FAM184B: variants seen among roughly 807,000 people sequenced by gnomAD.
FAM184B encodes family with sequence similarity 184 member B.
A neutral mutation model predicts 135.9 loss-of-function variants in FAM184B; 111 were observed. The ratio of observed to expected loss-of-function variants is 0.82; its 90% confidence interval spans 0.70 to 0.96. The LOEUF (loss-of-function observed/expected upper bound fraction) is 0.96. Ranked by LOEUF, FAM184B falls within the 40% of genes least tolerant of loss-of-function variation. The pLI is 0.00. For missense variants in FAM184B, 1,375 were observed against 1,323.9 expected, an observed-to-expected ratio of 1.04 and a Z score of -0.60; for synonymous variants, 552 against 524.8, an observed-to-expected ratio of 1.05 and a Z score of -0.71.
At chr4:17,634,589 G>T (rs1425937473) in intron 16 of FAM184B, among the ~76,000 whole-genome samples, 8 of 152,272 alleles carry the variant, frequency 5.3e-5, no homozygotes, top group Non-Finnish European at 1.5e-5. Flanking sequence ...CTCCCAAAGT[G>T]CTGGGATTAC....
chr4:17,750,164 T>C (rs143022063), intron 1 of FAM184B, among the ~76,000 whole-genome samples: 1 of 152,366 alleles, frequency 6.6e-6, no homozygotes, highest in African/African-American at 2.4e-5. Flanking sequence ...TCATCATACA[T>C]ATTGTAAAAC....
chr4:17,651,111 T>A (rs1343278970), intron 11 of FAM184B, among the ~76,000 whole-genome samples: 1 of 152,130 alleles, frequency 6.6e-6, no homozygotes, highest in Non-Finnish European at 1.5e-5. Context: ...TCTTTAGTGC[T>A]CAGCATGAAA....
At chr4:17,666,469 C>CTTTTTTTTTTT (rs386399397) in intron 7 of FAM184B, among the ~76,000 whole-genome samples, 26 of 57,158 alleles carry the variant, frequency 4.5e-4, no homozygotes, top group African/African-American at 1.5e-3. Context: ...GTGCCTGGTT[C>CTTTTTTTTTTT]TTTTTTTTTT....
Position 17,709,384 on chromosome 4 carries a change from C to G in FAM184B, c.402G>C (p.Leu134=), listed in dbSNP as rs1401108964. ...GCTCGGCGTGCTCTGCCTCCACCCT[C>G]AGCTCTCTCTCCTTCGTCTCCAGCC... is the stretch of plus-strand genomic sequence containing the variant. ...SCRLETKERE[L]RVEAEHAERV... Residue 134 remains leucine, a synonymous_variant, in exon 2 of 18, where the codon CTG becomes CTC. Transcript: ENST00000265018. The G allele has an allele frequency of 1.8e-5, 28 of 1,531,444 alleles. No homozygotes were observed. The highest frequency in any genetic ancestry group is 2.5e-5 in the Non-Finnish European group (28 of 1,134,786). 94.9% of individuals were successfully genotyped at this position (1,531,444 alleles called of 1,614,324 possible). A position where few individuals can be genotyped will look rare whatever the true frequency, so the allele number is the denominator to read the frequency against.
chr4:17,690,243 G>A (rs1039368243), intron 6 of FAM184B, among the ~76,000 whole-genome samples: 10 of 152,194 alleles, frequency 6.6e-5, no homozygotes, highest in Admixed American at 1.3e-4. Flanking sequence ...TCTGCCATTG[G>A]TGAAGGTGGG....
chr4:17,776,518 A>T (rs1390069456), intron 1 of FAM184B, among the ~76,000 whole-genome samples: 2 of 152,124 alleles, frequency 1.3e-5, no homozygotes, highest in East Asian at 3.9e-4. Context: ...CCTGCCGAGT[A>T]GCTGGGATTA....
At position 17,768,802 on chromosome 4, in the gene FAM184B, CT is replaced by C. The variant is rs1214578635; in HGVS notation, c.141+12356del. Among the ~76,000 whole-genome samples the C allele has an allele frequency of 2.0e-5, 3 of 150,700 alleles. No homozygotes were observed. In the East Asian group the frequency reaches 5.8e-4, roughly 29 times the overall value. On this transcript the variant is annotated intron_variant, in intron 1 of 17. Transcript: ENST00000265018. ...TCAGTAAATCAGTAAATGTTTATTTCTTTTTTCTTTTTTTTTTTTGAGATGG... is the reference window on the plus strand; with the variant it reads ...TCAGTAAATCAGTAAATGTTTATTTCTTTTTCTTTTTTTTTTTTGAGATGG...
At chr4:17,700,802 G>A (rs1212217054) in intron 5 of FAM184B, among the ~76,000 whole-genome samples, 1 of 151,976 alleles carries the variant, frequency 6.6e-6, no homozygotes, top group East Asian at 1.9e-4. Flanking sequence ...TCTAACCACA[G>A]GGGAACCAAA....
Position 17,639,271 on chromosome 4 carries a change from CGGGCCTGGAGCT to C in FAM184B, c.2633_2644del (p.Gln878_Ala881del), listed in dbSNP as rs1184476643. The C allele has an allele frequency of 6.4e-7, 1 of 1,551,686 alleles. No individual in the cohort carries two copies. ...TTACTCGGCTTCCAGGGCAGCCAGC[CGGGCCTGGAGCT>C]GGGCCTGGGCACTACTGAAATCTGC... On this transcript the variant is annotated inframe_deletion, in exon 14 of 18. Transcript: ENST00000265018.
chr4:17,633,987 CGGA>C lies in FAM184B; in HGVS notation c.2890-102_2890-100del, dbSNP rs958833482. The stretch of plus-strand genomic sequence containing the variant: ...AATGCTCACCCAATCAAAATTGTAT[CGGA>C]GAAGAAGCAACAATTTCATTTATAC... On this transcript the variant is annotated intron_variant, in intron 16 of 17. Transcript: ENST00000265018. The C allele has an allele frequency of 7.3e-6, 7 of 960,184 alleles. No individual in the cohort carries two copies. In the African/African-American group the frequency reaches 1.0e-4, roughly 14 times the overall value. The allele number at this position is 960,184 out of a possible 1,614,324, so 59.5% of individuals were successfully genotyped here. A position where few individuals can be genotyped will look rare whatever the true frequency, so the allele number is the denominator to read the frequency against.
At position 17,656,241 on chromosome 4, in the gene FAM184B, G is replaced by C. The variant is rs150771933; in HGVS notation, c.2037+2109C>G. Among the ~76,000 whole-genome samples the C allele has an allele frequency of 8.9e-3, 1,355 of 152,252 alleles. 23 individuals are homozygous for C. The highest frequency in any genetic ancestry group is 0.031 in the African/African-American group (1,308 of 41,528). On this transcript the variant is annotated intron_variant, in intron 10 of 17. Transcript: ENST00000265018. Reference sequence around the variant, plus strand: ...GATACACAAAGGTCCATGTCACCCAGCAGTGAATACACCTGGGAATCTCCC... The same window carrying C: ...GATACACAAAGGTCCATGTCACCCACCAGTGAATACACCTGGGAATCTCCC...
rs529731350 is a variant in FAM184B at position 17,705,037 on chromosome 4, C to T, written c.1340G>A (p.Arg447His). Residue 447 changes from arginine (R) to histidine (H), a missense_variant, in exon 5 of 18, where the codon CGC becomes CAC. By Grantham distance (29) the Arg-to-His change is conservative. Transcript: ENST00000265018. ...CTTTCTTTCAGCCTCCACGGACGAGCGAACGGATTTGATTTCCACGGTGTG... is the reference window on the plus strand; with the variant it reads ...CTTTCTTTCAGCCTCCACGGACGAGTGAACGGATTTGATTTCCACGGTGTG... ...KKHTVEIKSV[R>H]SSVEAERKKL... 38 of 1,551,746 alleles carry T rather than the reference C, an allele frequency of 2.4e-5. No individual in the cohort carries two copies. Among genetic ancestry groups the T allele is most frequent in the East Asian group, 4.9e-5 (2 of 40,922 alleles).
At chr4:17,640,385 G>A (rs1446370064) in intron 13 of FAM184B, among the ~76,000 whole-genome samples, 7 of 151,214 alleles carry the variant, frequency 4.6e-5, no homozygotes, top group Admixed American at 3.9e-4. Context: ...TCAGGAGGCT[G>A]AGGCAGAAGA....
rs1718125716 is a variant in FAM184B, at chr4:17,744,822, T to C, written c.142-35178A>G. Among the ~76,000 whole-genome samples the C allele has an allele frequency of 2.0e-5, 3 of 152,286 alleles. No individual in the cohort carries two copies. In the South Asian group the frequency reaches 6.2e-4, roughly 32 times the overall value. ...AAGATAATGTCTTTCTCCTAATGCTTGAATATCAACCTAGAGAAAGAGTCT... is the reference window on the plus strand; with the variant it reads ...AAGATAATGTCTTTCTCCTAATGCTCGAATATCAACCTAGAGAAAGAGTCT... On this transcript the variant is annotated intron_variant, in intron 1 of 17. Transcript: ENST00000265018.
intron 15 of FAM184B, 68 bp from the exon 16 acceptor site, chr4:17,635,181 G>C (rs961444950): frequency 4.7e-6 from 6 of 1,281,020 alleles, no homozygotes; most frequent in South Asian, 2.6e-5. Flanking sequence ...CTTGAAGGAA[G>C]ATGGCTGTGA....
At chr4:17,735,203 G>T (rs1250815067) in intron 1 of FAM184B, among the ~76,000 whole-genome samples, 1 of 151,622 alleles carries the variant, frequency 6.6e-6, no homozygotes, top group African/African-American at 2.4e-5. Flanking sequence ...ATGGGGGAGG[G>T]ATAGCATTAG....
At chr4:17,713,471 T>G (rs532459876) in intron 1 of FAM184B, among the ~76,000 whole-genome samples, 3 of 152,234 alleles carry the variant, frequency 2.0e-5, no homozygotes, top group African/African-American at 4.8e-5. Context: ...TCCAAGAATA[T>G]ATCTGGAAGC....
At chr4:17,759,943 TAG>T (rs1353907855) in intron 1 of FAM184B, among the ~76,000 whole-genome samples, 1 of 152,126 alleles carries the variant, frequency 6.6e-6, no homozygotes, top group Admixed American at 6.5e-5. Context: ...AGGAATCTCT[TAG>T]GTAACTTTCA....
rs1296070210 is a variant in FAM184B at position 17,705,065 on chromosome 4, T to G, written c.1312A>C (p.Lys438Gln). 2 of 1,551,778 alleles carry G rather than the reference T, an allele frequency of 1.3e-6. No individual in the cohort carries two copies. Among genetic ancestry groups the G allele is most frequent in the Middle Eastern group, 1.7e-4 (1 of 5,992 alleles). ...LVKRLEDLVK[K>Q]HTVEIKSVRS... ...ACGGATTTGATTTCCACGGTGTGCT[T>G]CTTTACCAAGTCTTCTAGTCGCTTC... Residue 438 changes from lysine to glutamine, a missense_variant, in exon 5 of 18, where the codon AAG (lysine) becomes CAG (glutamine). Lys to Gln is a moderately conservative substitution (Grantham distance 53). Coordinates refer to ENST00000265018, the MANE Select transcript of FAM184B (RefSeq NM_015688.2).
Sources: gnomAD v4.1 joint callset for allele counts (sites outside exome capture counted in the v4.1 genomes callset) on GRCh38, gnomAD v4.1.1 for gene constraint, MANE v1.5 for transcripts, NCBI Gene and HGNC (gene_info 2026-07-23, HGNC 2026-07-21) for gene names.